The following LHFPL3 variants were observed in gnomAD, a reference collection of about 807,000 sequenced individuals.
LHFPL3 encodes the protein LHFPL tetraspan subfamily member 3 protein.
LHFPL3 carries 5 observed loss-of-function variants against 19.3 expected under a neutral mutation model. The observed-to-expected ratio is 0.26, with a 90% CI of 0.14 to 0.54. LHFPL3 has a LOEUF of 0.54. LHFPL3 is among the 20% of genes least tolerant of loss of function. LHFPL3 has a pLI of 0.94. For missense variants in LHFPL3, 249 were observed against 307.4 expected, an observed-to-expected ratio of 0.81 and a Z score of 1.42; for synonymous variants, 133 against 126.2, an observed-to-expected ratio of 1.05 and a Z score of -0.36.
intron 1 of LHFPL3, among the ~76,000 whole-genome samples, chr7:104,615,494 T>C (rs1158056033): frequency 6.6e-6 from 1 of 152,194 alleles, no homozygotes; most frequent in East Asian, 1.9e-4. Context: ...AGCACCTCAA[T>C]ATGGATAGTT....
intron 1 of LHFPL3, among the ~76,000 whole-genome samples, chr7:104,441,573 T>TA (rs1792224431): frequency 2.3e-5 from 3 of 131,428 alleles, no homozygotes; most frequent in African/African-American, 7.5e-5. Flanking sequence ...GATCCTGATT[T>TA]TTTTATTTAT....
chr7:104,407,081 G>C (rs1392437990), intron 1 of LHFPL3, among the ~76,000 whole-genome samples: 2 of 152,038 alleles, frequency 1.3e-5, no homozygotes, highest in Non-Finnish European at 2.9e-5. Context: ...GACATCACAG[G>C]GTTGAAGTGA....
chr7:104,603,138 C>CTTT (rs1791016890), intron 1 of LHFPL3, among the ~76,000 whole-genome samples: 133 of 15,082 alleles, frequency 8.8e-3, no homozygotes, highest in South Asian at 0.019. Context: ...TTCTTTTTTC[C>CTTT]CTTCCTTCCT....
At chr7:104,668,077 A>G (rs1310092230) in intron 1 of LHFPL3, 1 of 1,613,712 alleles carries the variant, frequency 6.2e-7, no homozygotes. Flanking sequence ...GTTACAGAAG[A>G]GTCAATTAAG....
At chr7:104,469,074 A>G (rs1254656488) in intron 1 of LHFPL3, among the ~76,000 whole-genome samples, 3 of 152,212 alleles carry the variant, frequency 2.0e-5, no homozygotes, top group African/African-American at 7.2e-5. Context: ...ACAAGCTCAC[A>G]TCAAACCTTT....
chr7:104,510,276 C>T (rs946208380), intron 1 of LHFPL3, among the ~76,000 whole-genome samples: 1 of 152,010 alleles, frequency 6.6e-6, no homozygotes, highest in African/African-American at 2.4e-5. Context: ...GTAGCTAAAA[C>T]AACTTTGAAA....
At chr7:104,774,434 A>G (rs535660090) in intron 2 of LHFPL3, among the ~76,000 whole-genome samples, 23 of 152,340 alleles carry the variant, frequency 1.5e-4, no homozygotes, top group African/African-American at 1.4e-4. Context: ...CTCCTTCATT[A>G]TCACTCAGCT....
At chr7:104,766,206 T>C (rs1443370741) in intron 2 of LHFPL3, among the ~76,000 whole-genome samples, 1 of 152,202 alleles carries the variant, frequency 6.6e-6, no homozygotes, top group African/African-American at 2.4e-5. Context: ...ACTTTGTTGA[T>C]ATGGGAGATT....
intron 1 of LHFPL3, among the ~76,000 whole-genome samples, chr7:104,426,852 C>A (rs1791857625): frequency 6.6e-6 from 1 of 152,110 alleles, no homozygotes; most frequent in Non-Finnish European, 1.5e-5. Flanking sequence ...TAATTGTCAA[C>A]TGTAGTCTTC....
chr7:104,759,809 T>A (rs1562985053), intron 2 of LHFPL3: 1 of 152,174 alleles, frequency 6.6e-6, no homozygotes, highest in African/African-American at 2.4e-5. Context: ...CATCTGACTT[T>A]CCCCACAACA....
At chr7:104,659,255 G>A (rs1417214777) in intron 1 of LHFPL3, among the ~76,000 whole-genome samples, 2 of 152,336 alleles carry the variant, frequency 1.3e-5, no homozygotes, top group East Asian at 3.9e-4. Context: ...AAGATGGCTA[G>A]TTCTGCACCT....
intron 1 of LHFPL3, among the ~76,000 whole-genome samples, chr7:104,363,782 G>C (rs1324322547): frequency 6.6e-6 from 1 of 152,232 alleles, no homozygotes; most frequent in Non-Finnish European, 1.5e-5. Flanking sequence ...CTTTCACCCA[G>C]AGTGACATGA....
At chr7:104,825,115 A>G (rs1000242763) in intron 2 of LHFPL3, among the ~76,000 whole-genome samples, 2 of 150,976 alleles carry the variant, frequency 1.3e-5, no homozygotes, top group Non-Finnish European at 1.5e-5. Context: ...ACCATATAAG[A>G]TCTAACAGCT....
chr7:104,664,883 A>T (rs2116004025), intron 1 of LHFPL3, among the ~76,000 whole-genome samples: 1 of 152,314 alleles, frequency 6.6e-6, no homozygotes, highest in Non-Finnish European at 1.5e-5. Context: ...TACCTGGGAA[A>T]TGTAGTCCCT....
chr7:104,830,510 T>C (rs913110578), intron 2 of LHFPL3, among the ~76,000 whole-genome samples: 1 of 151,874 alleles, frequency 6.6e-6, no homozygotes. Flanking sequence ...AATTTTTGTA[T>C]AAGGTGTAAG....
Position 104,680,035 on chromosome 7 carries a change from C to T in LHFPL3, c.446-56640C>T, listed in dbSNP as rs569399230. On this transcript the variant is annotated intron_variant, in intron 1 of 2. Transcript: ENST00000424859. ...CTGATATTCAGACTTGTATATCTAG[C>T]AACCTGCTCAACATCTGCACTGAGC... is the stretch of plus-strand genomic sequence containing the variant. Among the ~76,000 whole-genome samples, 21 of 152,308 alleles carry T rather than the reference C, an allele frequency of 1.4e-4. 1 individual carries two copies. Among genetic ancestry groups the T allele is most frequent in the South Asian group, 8.3e-4 (4 of 4,820 alleles).
intron 1 of LHFPL3, among the ~76,000 whole-genome samples, chr7:104,723,753 A>G (rs1554429289): frequency 8.7e-6 from 1 of 114,400 alleles, no homozygotes; most frequent in South Asian, 2.8e-4. Flanking sequence ...AAAAAAAAAG[A>G]TGATCTCTGA....
intron 1 of LHFPL3, among the ~76,000 whole-genome samples, chr7:104,557,316 G>A (rs1046089419): frequency 1.3e-5 from 2 of 152,168 alleles, no homozygotes; most frequent in Non-Finnish European, 2.9e-5. Context: ...GTTCCACATA[G>A]CTGGGGAGGC....
At chr7:104,497,521 C>G (rs148968723) in intron 1 of LHFPL3, among the ~76,000 whole-genome samples, 1 of 151,886 alleles carries the variant, frequency 6.6e-6, no homozygotes, top group Admixed American at 6.6e-5. Flanking sequence ...GACAGATCTG[C>G]CACTTTCAGT....
Sources: gnomAD v4.1 joint callset for allele counts (sites outside exome capture counted in the v4.1 genomes callset) on GRCh38, gnomAD v4.1.1 for gene constraint, MANE v1.5 for transcripts, NCBI Gene and HGNC (gene_info 2026-07-23, HGNC 2026-07-21) for gene names.